MYT1L: variants seen among roughly 807,000 people sequenced by gnomAD.
MYT1L encodes the protein myelin transcription factor 1 like.
A neutral mutation model predicts 126.7 loss-of-function variants in MYT1L; 12 were observed. The ratio of observed to expected loss-of-function variants is 0.09; its 90% confidence interval spans 0.06 to 0.15. The LOEUF (loss-of-function observed/expected upper bound fraction) is 0.15, where lower values mean the gene tolerates loss of function less well. Among genes scored for constraint, MYT1L ranks in the 10% least tolerant of loss-of-function variants. MYT1L has a pLI of 1.00. For missense variants in MYT1L, 979 were observed against 1,585.2 expected, an observed-to-expected ratio of 0.62 and a Z score of 6.49; for synonymous variants, 541 against 604.2, an observed-to-expected ratio of 0.90 and a Z score of 1.53.
In MYT1L at chr2:2,197,826, C is replaced by T. The variant is rs576452055; in HGVS notation, c.-420-24838G>A. Among the ~76,000 whole-genome samples, 8 of 150,400 alleles carry T rather than the reference C, an allele frequency of 5.3e-5. No individual in the cohort carries two copies. In the East Asian group the frequency reaches 9.8e-4, roughly 18 times the overall value. ...ATATATACACACATGCACACACACA[C>T]GCACACAACGAATGTGTAGAGATGT... On this transcript the variant is annotated intron_variant, in intron 2 of 24. Coordinates refer to ENST00000647738, the MANE Select transcript of MYT1L (RefSeq NM_001303052.2).
chr2:2,069,850 G>T (rs953165963), intron 3 of MYT1L, among the ~76,000 whole-genome samples: 3 of 150,514 alleles, frequency 2.0e-5, no homozygotes, highest in African/African-American at 7.3e-5. Context: ...TGGTATGTTT[G>T]TTGGCTGCAT....
intron 4 of MYT1L, among the ~76,000 whole-genome samples, chr2:2,008,626 A>G (rs1478206657): frequency 6.6e-6 from 1 of 152,076 alleles, no homozygotes; most frequent in Non-Finnish European, 1.5e-5. Flanking sequence ...TTTCCACTCT[A>G]TAGGCTGCTT....
intron 2 of MYT1L, among the ~76,000 whole-genome samples, chr2:2,200,620 T>G (rs2093026489): frequency 6.6e-6 from 1 of 152,170 alleles, no homozygotes; most frequent in African/African-American, 2.4e-5. Flanking sequence ...TCCAGGAAGG[T>G]GGACATGGGC....
At chr2:2,085,415 C>T (rs1167940565) in intron 3 of MYT1L, among the ~76,000 whole-genome samples, 1 of 152,162 alleles carries the variant, frequency 6.6e-6, no homozygotes, top group Admixed American at 6.5e-5. Context: ...GTCTCTCCAA[C>T]TCTTGTTCAA....
Position 1,934,307 on chromosome 2 carries a change from T to TATACAC in MYT1L, c.505+8674_505+8675insGTGTAT, listed in dbSNP as rs71276816. ...TTTTTATAACATATATATATATATA[T>TATACAC]ACAACCTCATATATGTAATTTATAG... is the stretch of plus-strand genomic sequence containing the variant. On this transcript the variant is annotated intron_variant, in intron 9 of 24. Coordinates refer to ENST00000647738, the MANE Select transcript of MYT1L (RefSeq NM_001303052.2). Among the ~76,000 whole-genome samples, 114 of 132,186 alleles carry TATACAC rather than the reference T, an allele frequency of 8.6e-4. 9 individuals carry two copies. The East Asian group carries it at 0.016, about 18-fold the overall frequency. 86.7% of individuals were successfully genotyped at this position (132,186 alleles called of 152,430 possible).
At chr2:2,152,430 G>A (rs2085957367) in intron 3 of MYT1L, among the ~76,000 whole-genome samples, 2 of 152,210 alleles carry the variant, frequency 1.3e-5, no homozygotes, top group African/African-American at 2.4e-5. Context: ...ACCTCAGAAA[G>A]GAACCAGAAA....
intron 2 of MYT1L, among the ~76,000 whole-genome samples, chr2:2,240,360 C>T (rs1465968746): frequency 6.6e-6 from 1 of 151,678 alleles, no homozygotes; most frequent in Non-Finnish European, 1.5e-5. Context: ...ATATTTTATC[C>T]TTTACTTTAA....
chr2:2,185,897 G>A (rs1403776904), intron 2 of MYT1L, among the ~76,000 whole-genome samples: 1,744 of 89,966 alleles, frequency 0.019, 11 homozygotes, highest in African/African-American at 0.026. Context: ...GGACGCAGCC[G>A]GGCCTTCCGG....
At chr2:2,170,146 C>T (rs2089815244) in intron 3 of MYT1L, among the ~76,000 whole-genome samples, 1 of 152,218 alleles carries the variant, frequency 6.6e-6, no homozygotes, top group Admixed American at 6.5e-5. Context: ...CATCTGTGGA[C>T]AGTAGCTTTA....
intron 1 of MYT1L, chr2:2,304,023 T>A (rs1226228933): frequency 6.6e-6 from 1 of 151,984 alleles, no homozygotes; most frequent in Non-Finnish European, 1.5e-5. Context: ...ACCCCTTTAT[T>A]CCAGAACAAA....
At chr2:2,122,494 T>TG (rs1373872447) in intron 3 of MYT1L, among the ~76,000 whole-genome samples, 1 of 152,160 alleles carries the variant, frequency 6.6e-6, no homozygotes. Context: ...CCTTCCTCCC[T>TG]GTAATGGCCG....
chr2:1,851,403 C>T (rs891848993), intron 19 of MYT1L, among the ~76,000 whole-genome samples: 1 of 152,060 alleles, frequency 6.6e-6, no homozygotes, highest in African/African-American at 2.4e-5. Context: ...CTCAGTGGGG[C>T]CACTTGCACT....
Position 1,910,798 on chromosome 2 carries a change from T to TA in MYT1L, c.1710-452_1710-451insT, listed in dbSNP as rs1313536609. On this transcript the variant is annotated intron_variant, in intron 12 of 24. Coordinates refer to ENST00000647738, the MANE Select transcript of MYT1L (RefSeq NM_001303052.2). The surrounding 1 kb of genome is among the most constrained non-coding windows in gnomAD (Gnocchi z 4.8). ...CCTAAATGCTATTGACTGTGGCGTC[T>TA]GGGGGGCCTGTCTGACTTTAGCCCT... Among the ~76,000 whole-genome samples the TA allele has an allele frequency of 1.3e-5, 2 of 152,106 alleles. No homozygotes were observed. The highest frequency in any genetic ancestry group is 4.8e-5 in the African/African-American group (2 of 41,412).
In MYT1L at chr2:2,317,625, GA is replaced by G. The variant is rs1373257770; in HGVS notation, c.-521+13341del. Among the ~76,000 whole-genome samples, 3 of 152,034 alleles carry G rather than the reference GA, an allele frequency of 2.0e-5. No individual in the cohort carries two copies. The East Asian group carries it at 5.8e-4, about 29-fold the overall frequency. ...AAGACAAAAAATAAAAATAAAAAAT[GA>G]AAAAATGTTTAATATTAGGTAAAAA... On this transcript the variant is annotated intron_variant, in intron 1 of 24. Coordinates refer to ENST00000647738, the MANE Select transcript of MYT1L (RefSeq NM_001303052.2).
At chr2:2,061,933 A>G (rs1037219374) in intron 3 of MYT1L, among the ~76,000 whole-genome samples, 5 of 152,184 alleles carry the variant, frequency 3.3e-5, no homozygotes, top group African/African-American at 9.6e-5. Flanking sequence ...CCAGCTCCCC[A>G]GAGGGAAAGC....
chr2:1,843,479 T>C (rs938789323), intron 19 of MYT1L, among the ~76,000 whole-genome samples: 2 of 151,138 alleles, frequency 1.3e-5, no homozygotes, highest in East Asian at 3.9e-4. Context: ...AGAATTACGG[T>C]GTCCTTCCTA....
At chr2:2,050,317 CA>C (rs2068688931) in intron 4 of MYT1L, among the ~76,000 whole-genome samples, 1 of 152,158 alleles carries the variant, frequency 6.6e-6, no homozygotes, top group Non-Finnish European at 1.5e-5. Flanking sequence ...GCTATTTCAG[CA>C]GATTTCTCCT....
intron 20 of MYT1L, among the ~76,000 whole-genome samples, chr2:1,839,936 G>C (rs1014042954): frequency 3.3e-5 from 5 of 152,160 alleles, no homozygotes; most frequent in Admixed American, 6.5e-5. Context: ...CAGGGACACG[G>C]GACAGGTGTG....
intron 2 of MYT1L, among the ~76,000 whole-genome samples, chr2:2,179,750 A>G (rs539950545): frequency 6.6e-6 from 1 of 152,274 alleles, no homozygotes; most frequent in African/African-American, 2.4e-5. Context: ...TTATTTCTCA[A>G]TTCCTAAGAC....
Sources: gnomAD v4.1 joint callset for allele counts (sites outside exome capture counted in the v4.1 genomes callset) on GRCh38, gnomAD v4.1.1 for gene constraint, Gnocchi (gnomAD v3.1) non-coding constraint, MANE v1.5 for transcripts, NCBI Gene and HGNC (gene_info 2026-07-23, HGNC 2026-07-21) for gene names.